Variants in GALNT11 observed in about 807,000 individuals in gnomAD.
GALNT11 encodes the protein UDP-GalNAc:polypeptide N-acetylgalactosaminyltransferase 11.
Under a neutral mutation model 72.7 loss-of-function variants are expected in GALNT11, and 47 were observed. The observed-to-expected ratio is 0.65, with a 90% CI of 0.51 to 0.82. The LOEUF (loss-of-function observed/expected upper bound fraction) is 0.82, where lower values mean the gene tolerates loss of function less well. Ranked by LOEUF, GALNT11 falls within the 40% of genes least tolerant of loss-of-function variation. The pLI, the probability that GALNT11 is intolerant of heterozygous loss-of-function variation, is 0.00. For missense variants in GALNT11, 677 were observed against 778.4 expected (o/e 0.87, Z 1.55); for synonymous variants, 270 against 286.6 (o/e 0.94, Z 0.58).
At chr7:152,118,979 G>A in intron 10 of GALNT11, 197 bp downstream of exon 10, 1 of 391,090 alleles carries the variant, frequency 2.6e-6, no homozygotes, top group Non-Finnish European at 4.5e-6. Context: ...TCACCGCCAG[G>A]GTCTGATTTT....
chr7:152,061,128 A>G (rs1352910082), intron 1 of GALNT11, among the ~76,000 whole-genome samples: 1 of 152,278 alleles, frequency 6.6e-6, no homozygotes, highest in Admixed American at 6.5e-5. Flanking sequence ...CATCCTCTCC[A>G]GCACCTGTTG....
At chr7:152,057,889 C>G (rs2083775766) in intron 1 of GALNT11, among the ~76,000 whole-genome samples, 1 of 152,170 alleles carries the variant, frequency 6.6e-6, no homozygotes, top group Non-Finnish European at 1.5e-5. Context: ...AGCTAAGGCT[C>G]TCATGCAGGA....
intron 3 of GALNT11, among the ~76,000 whole-genome samples, chr7:152,101,651 G>A (rs577985982): frequency 1.4e-5 from 2 of 143,938 alleles, no homozygotes; most frequent in Non-Finnish European, 3.1e-5. Flanking sequence ...TTGGGGGGGG[G>A]GGGATGGAGT....
At chr7:152,112,744 G>C (rs2129064599) in intron 7 of GALNT11, among the ~76,000 whole-genome samples, 1 of 152,106 alleles carries the variant, frequency 6.6e-6, no homozygotes, top group South Asian at 2.1e-4. Flanking sequence ...ATTTAGACCA[G>C]AGCTAAGGTC....
intron 1 of GALNT11, among the ~76,000 whole-genome samples, chr7:152,060,147 C>A (rs1323283648): frequency 6.6e-6 from 1 of 152,156 alleles, no homozygotes; most frequent in Non-Finnish European, 1.5e-5. Context: ...ATGAGCAATT[C>A]TTTGCCAGTT....
At chr7:152,105,070 C>A (rs2087386191) in intron 4 of GALNT11, among the ~76,000 whole-genome samples, 175 bp from the exon 5 acceptor site, 1 of 152,130 alleles carries the variant, frequency 6.6e-6, no homozygotes, top group South Asian at 2.1e-4. Flanking sequence ...CCCTTCATTT[C>A]TTTTTCTTCC....
chr7:152,094,239 C>G lies in GALNT11; in HGVS notation c.12C>G (p.Val4=). The G allele has an allele frequency of 6.2e-7, 1 of 1,601,838 alleles. No homozygotes were observed. Among genetic ancestry groups the G allele is most frequent in the East Asian group, 2.2e-5 (1 of 44,746 alleles). MGS[V]TVRYFCYGCL... ...ATGCTAGGTCTATAATGGGAAGTGT[C>G]ACAGTTCGGTATTTCTGTTATGGGT... Residue 4 remains valine, a synonymous_variant, in exon 2 of 12, where the codon GTC becomes GTG. Coordinates refer to ENST00000430044, the MANE Select transcript of GALNT11 (RefSeq NM_022087.4). This position sits in a 1 kb window ranked among gnomAD's most constrained non-coding sequence, Gnocchi z 4.3.
intron 1 of GALNT11, among the ~76,000 whole-genome samples, chr7:152,055,169 T>G (rs942960785): frequency 3.9e-5 from 6 of 152,190 alleles, no homozygotes; most frequent in African/African-American, 1.4e-4. Flanking sequence ...TCATTTTAAT[T>G]TAACTATTCT....
chr7:152,026,167 T>C (rs527650848), intron 1 of GALNT11, among the ~76,000 whole-genome samples: 3 of 152,172 alleles, frequency 2.0e-5, no homozygotes, highest in Non-Finnish European at 2.9e-5. Flanking sequence ...GAGGCACACC[T>C]GATCCTGCAG....
At chr7:152,075,827 C>G (rs1387373964) in intron 1 of GALNT11, among the ~76,000 whole-genome samples, 1 of 150,268 alleles carries the variant, frequency 6.7e-6, no homozygotes, top group Non-Finnish European at 1.5e-5. Context: ...TTTGGGAGGC[C>G]GAGGCGGGCG....
chr7:152,071,365 A>G (rs537159094), intron 1 of GALNT11, among the ~76,000 whole-genome samples: 1 of 152,318 alleles, frequency 6.6e-6, no homozygotes, highest in East Asian at 1.9e-4. Context: ...AAAAGAATTC[A>G]GCGATATTTC....
chr7:152,118,921 A>G (rs1253601760), intron 10 of GALNT11, 139 bp downstream of exon 10: 37 of 588,584 alleles, frequency 6.3e-5, no homozygotes, highest in Non-Finnish European at 9.5e-5. Context: ...GTGTTGCGTT[A>G]TTGGAACGCT....
chr7:152,060,831 C>A (rs2083965196), intron 1 of GALNT11, among the ~76,000 whole-genome samples: 1 of 152,184 alleles, frequency 6.6e-6, no homozygotes, highest in Non-Finnish European at 1.5e-5. Flanking sequence ...GTATAGTATT[C>A]CATGGTGTAT....
intron 1 of GALNT11, among the ~76,000 whole-genome samples, chr7:152,046,606 T>C (rs948885130): frequency 1.3e-5 from 2 of 152,238 alleles, no homozygotes; most frequent in Admixed American, 1.3e-4. Flanking sequence ...GATATAAATA[T>C]AGCTACTCCT....
At chr7:152,053,993 A>G (rs2083527249) in intron 1 of GALNT11, among the ~76,000 whole-genome samples, 1 of 152,052 alleles carries the variant, frequency 6.6e-6, no homozygotes, top group Non-Finnish European at 1.5e-5. Context: ...TTATATTGAG[A>G]CTGAAGACTT....
chr7:152,081,445 C>T (rs561457464), intron 1 of GALNT11, among the ~76,000 whole-genome samples: 5 of 152,240 alleles, frequency 3.3e-5, no homozygotes, highest in South Asian at 2.1e-4. Flanking sequence ...TAGTCCTTTG[C>T]GACCTAAATA....
chr7:152,099,756 CTTT>C (rs959548417), intron 2 of GALNT11, among the ~76,000 whole-genome samples: 2 of 88,726 alleles, frequency 2.3e-5, no homozygotes, highest in Admixed American at 1.3e-4. Flanking sequence ...AACTGTGAAG[CTTT>C]TTTTTTTTTT....
Position 152,068,095 on chromosome 7 carries a change from C to T in GALNT11, c.-38-26095C>T, listed in dbSNP as rs149269635. Among the ~76,000 whole-genome samples, 1,458 of 152,266 alleles carry T rather than the reference C, an allele frequency of 9.6e-3. 7 individuals are homozygous for T. Among genetic ancestry groups the T allele is most frequent in the Non-Finnish European group, 0.015 (1,015 of 68,012 alleles). ...CTCCCACCAGGCCCCACCTCCAGCA[C>T]TGGATCATGTATCTGCCTCTGTCAT... On this transcript the variant is annotated intron_variant, in intron 1 of 11. Transcript: ENST00000430044.
chr7:152,090,996 G>A (rs189883994), intron 1 of GALNT11, among the ~76,000 whole-genome samples: 26 of 152,198 alleles, frequency 1.7e-4, no homozygotes, highest in African/African-American at 5.8e-4. Flanking sequence ...AGACATAGGG[G>A]TAGATGCAGC....
Sources: allele counts gnomAD v4.1 joint callset (sites outside exome capture counted in the v4.1 genomes callset), GRCh38; gene constraint gnomAD v4.1.1; non-coding constraint Gnocchi (gnomAD v3.1); transcripts MANE v1.5; gene names NCBI Gene and HGNC (gene_info 2026-07-23, HGNC 2026-07-21).